The following AMBRA1 variants were observed in gnomAD, a reference collection of about 807,000 sequenced individuals.
AMBRA1 encodes the protein activating molecule in BECN1-regulated autophagy protein 1.
Under a neutral mutation model 125.4 loss-of-function variants are expected in AMBRA1, and 47 were observed. The ratio of observed to expected loss-of-function variants is 0.37; its 90% confidence interval spans 0.30 to 0.48. The LOEUF is 0.48. Among genes scored for constraint, AMBRA1 ranks in the 20% least tolerant of loss-of-function variants. AMBRA1 has a pLI of 0.99. For synonymous variants in AMBRA1, 626 were observed against 655.5 expected (o/e 0.95, Z 0.69); for missense variants, 1,331 against 1,693.4 (o/e 0.79, Z 3.76).
At chr11:46,478,648 CTTTTT>C (rs11449187) in intron 11 of AMBRA1, among the ~76,000 whole-genome samples, 11 of 82,170 alleles carry the variant, frequency 1.3e-4, no homozygotes, top group African/African-American at 5.5e-4. Context: ...TCTTTTTTCT[CTTTTT>C]TTTTTTTTTT....
chr11:46,542,866 C>A lies in AMBRA1; in HGVS notation c.1151G>T (p.Arg384Leu). ...GCGGGTAGGACCCAGACTGAGGTTGCGGAGCGTGTTGCCGGCAGTGCTGCT... is the reference window on the plus strand; with the variant it reads ...GCGGGTAGGACCCAGACTGAGGTTGAGGAGCGTGTTGCCGGCAGTGCTGCT... Reference protein sequence around the residue: ...VQSSTAGNTLRNLSLGPTRRS... With the variant: ...VQSSTAGNTLLNLSLGPTRRS... The change falls in exon 7 of 18, where the codon CGC becomes CTC. Residue 384 changes from arginine to leucine, a missense_variant. Physicochemically the swap from Arg to Leu is moderately radical, Grantham distance 102. This residue lies in a region of AMBRA1 where 689 missense variants were observed against 776.5 expected (regional missense o/e 0.89). Coordinates refer to ENST00000683756, the MANE Select transcript of AMBRA1 (RefSeq NM_001387011.1). This position sits in a 1 kb window ranked among gnomAD's most constrained non-coding sequence, Gnocchi z 5.9. The A allele has an allele frequency of 6.2e-7, 1 of 1,613,276 alleles. No homozygotes were observed. Among genetic ancestry groups the A allele is most frequent in the Non-Finnish European group, 8.5e-7 (1 of 1,179,918 alleles).
At chr11:46,477,449 C>T (rs1949861913) in intron 11 of AMBRA1, among the ~76,000 whole-genome samples, 1 of 149,558 alleles carries the variant, frequency 6.7e-6, no homozygotes, top group Non-Finnish European at 1.5e-5. Context: ...TCCTGAGTAG[C>T]TGGAACTGTG....
Position 46,551,596 on chromosome 11 carries a change from C to T in AMBRA1, c.-120-3096G>A, listed in dbSNP as rs573518589. 2.0e-5 allele frequency among the ~76,000 whole-genome samples: 3 copies of T among 152,304 alleles called. No individual in the cohort carries two copies. In the South Asian group the frequency reaches 6.2e-4, roughly 32 times the overall value. On this transcript the variant is annotated intron_variant, in intron 1 of 17. Transcript: ENST00000683756. ...CTTTAAAATATTAAACGACACCAGG[C>T]GCGATGGCTCACGCCTGTAATCCCA...
intron 1 of AMBRA1, among the ~76,000 whole-genome samples, chr11:46,558,633 G>A (rs1393072264): frequency 5.6e-5 from 8 of 142,710 alleles, no homozygotes; most frequent in East Asian, 2.1e-4. Flanking sequence ...ATTTTCTACA[G>A]AAAACCCACT....
chr11:46,480,426 T>C (rs1452163201), intron 11 of AMBRA1, among the ~76,000 whole-genome samples: 1 of 152,022 alleles, frequency 6.6e-6, no homozygotes. Context: ...AAGAAATGTC[T>C]TATGCCACTA....
chr11:46,449,147 C>T (rs117574045), intron 11 of AMBRA1, among the ~76,000 whole-genome samples: 2,626 of 152,274 alleles, frequency 0.017, 28 homozygotes, highest in Non-Finnish European at 0.028. Flanking sequence ...GAAGCCCCTT[C>T]TTACCAATAC....
chr11:46,517,472 T>G (rs1031987087), intron 7 of AMBRA1, among the ~76,000 whole-genome samples: 3 of 110,694 alleles, frequency 2.7e-5, no homozygotes, highest in African/African-American at 1.0e-4. Flanking sequence ...TTAATAAGGT[T>G]TTTTTTTTTT....
intron 7 of AMBRA1, among the ~76,000 whole-genome samples, chr11:46,528,515 T>C (rs1265508310): frequency 6.6e-6 from 1 of 152,062 alleles, no homozygotes; most frequent in Non-Finnish European, 1.5e-5. Flanking sequence ...TTATGCTAAG[T>C]GAAATAACCC....
intron 9 of AMBRA1, among the ~76,000 whole-genome samples, chr11:46,503,369 C>A (rs1486155630): frequency 1.3e-5 from 2 of 152,136 alleles, no homozygotes. Context: ...AAAATATATA[C>A]AACATTTACA....
At chr11:46,527,251 G>A (rs1007186619) in intron 7 of AMBRA1, among the ~76,000 whole-genome samples, 4 of 151,912 alleles carry the variant, frequency 2.6e-5, no homozygotes, top group Admixed American at 6.6e-5. Flanking sequence ...AAGTCAAGGC[G>A]GGAGGATCAC....
At chr11:46,558,235 T>C (rs951082060) in intron 1 of AMBRA1, among the ~76,000 whole-genome samples, 1 of 152,054 alleles carries the variant, frequency 6.6e-6, no homozygotes, top group Non-Finnish European at 1.5e-5. Flanking sequence ...TTTTTGTACA[T>C]CAATAGATAA....
intron 11 of AMBRA1, among the ~76,000 whole-genome samples, chr11:46,450,557 A>C (rs1948536349): frequency 6.6e-6 from 1 of 151,570 alleles, no homozygotes; most frequent in African/African-American, 2.4e-5. Flanking sequence ...CTCCCACCTC[A>C]GCCTCCCGAG....
In AMBRA1 at chr11:46,410,136, G is replaced by A. The variant is rs552955661; in HGVS notation, c.3209+140C>T. ...CACAACACTTTTCTCAAATGAAACT[G>A]TACACAAAAGATCAAGGAGGTGCTG... On this transcript the variant is annotated intron_variant, in intron 16 of 17. Transcript: ENST00000683756. 195 of 731,272 alleles carry A rather than the reference G, an allele frequency of 2.7e-4. 3 individuals are homozygous for A. The South Asian group carries it at 2.8e-3, about 10-fold the overall frequency. The allele number at this position is 731,272 out of a possible 1,614,324, so 45.3% of individuals were successfully genotyped here.
intron 11 of AMBRA1, among the ~76,000 whole-genome samples, chr11:46,493,162 C>G (rs1313609297): frequency 6.6e-6 from 1 of 152,204 alleles, no homozygotes; most frequent in Non-Finnish European, 1.5e-5. Context: ...TCTTTTCCTT[C>G]CTCAGAAGAT....
intron 11 of AMBRA1, among the ~76,000 whole-genome samples, chr11:46,472,672 C>T (rs1023467883): frequency 6.6e-5 from 10 of 152,278 alleles, no homozygotes; most frequent in African/African-American, 2.4e-4. Flanking sequence ...CATTTGAATA[C>T]TAGATTTCTT....
chr11:46,468,212 G>A (rs1396481833), intron 11 of AMBRA1, among the ~76,000 whole-genome samples: 3 of 152,086 alleles, frequency 2.0e-5, no homozygotes, highest in African/African-American at 4.8e-5. Context: ...AGCAGTGCGT[G>A]GTGGGACCAA....
chr11:46,473,752 A>G (rs11038900), intron 11 of AMBRA1, among the ~76,000 whole-genome samples: 39,341 of 152,150 alleles, frequency 0.26, 7,119 homozygotes, highest in African/African-American at 0.52. Context: ...GCGGGTTCAC[A>G]CCATTCTCCT....
chr11:46,456,226 A>T (rs1948837939), intron 11 of AMBRA1, among the ~76,000 whole-genome samples: 1 of 152,222 alleles, frequency 6.6e-6, no homozygotes, highest in South Asian at 2.1e-4. Flanking sequence ...TGGGGGAAAA[A>T]AAAACCCCAA....
At chr11:46,486,452 G>A (rs1230534215) in intron 11 of AMBRA1, among the ~76,000 whole-genome samples, 1 of 152,240 alleles carries the variant, frequency 6.6e-6, no homozygotes, top group Non-Finnish European at 1.5e-5. Context: ...TATGCTATCA[G>A]ATGGTGAAAT....
Sources: gnomAD v4.1 joint callset for allele counts (sites outside exome capture counted in the v4.1 genomes callset) on GRCh38, gnomAD v4.1.1 for gene constraint, gnomAD v4.1.1 regional missense constraint, Gnocchi (gnomAD v3.1) non-coding constraint, MANE v1.5 for transcripts, NCBI Gene and HGNC (gene_info 2026-07-23, HGNC 2026-07-21) for gene names.